The following DAB1 variants were observed in gnomAD, a reference collection of about 807,000 sequenced individuals.
The protein encoded by DAB1 is DAB adaptor protein 1, also known as disabled homolog 1.
A neutral mutation model predicts 64.6 loss-of-function variants in DAB1; 15 were observed. The observed-to-expected ratio is 0.23, with a 90% confidence interval of 0.16 to 0.36. The LOEUF is 0.36. Among genes scored for constraint, DAB1 ranks in the 10% least tolerant of loss-of-function variants. The pLI, the probability that DAB1 is intolerant of heterozygous loss-of-function variation, is 1.00. For synonymous variants in DAB1, 235 were observed against 251.9 expected (o/e 0.93, Z 0.64); for missense variants, 596 against 706.7 (o/e 0.84, Z 1.78).
At chr1:57,339,233 G>C (rs1677365743) in intron 1 of DAB1, among the ~76,000 whole-genome samples, 2 of 151,698 alleles carry the variant, frequency 1.3e-5, no homozygotes. Context: ...TCTGCTCACG[G>C]CAAGCTCCGC....
At chr1:57,749,574 GCTTTC>G (rs770861255) in intron 6 of DAB1, among the ~76,000 whole-genome samples, 3 of 152,166 alleles carry the variant, frequency 2.0e-5, no homozygotes, top group African/African-American at 4.8e-5. Context: ...CAGGGCATGT[GCTTTC>G]CAGTTGTCCA....
intron 1 of DAB1, among the ~76,000 whole-genome samples, chr1:57,383,984 T>A (rs779196645): frequency 3.3e-5 from 5 of 151,044 alleles, no homozygotes; most frequent in Non-Finnish European, 5.9e-5. Flanking sequence ...GAAAAAATAT[T>A]TGCAAATCAT....
intron 4 of DAB1, among the ~76,000 whole-genome samples, chr1:58,300,616 GA>G (rs1662120735): frequency 4.5e-5 from 2 of 44,082 alleles, no homozygotes; most frequent in Non-Finnish European, 1.0e-4. Context: ...AAGAAAGAGA[GA>G]GAGAGAGAGA....
At position 58,234,583 on chromosome 1, in the gene DAB1, C is replaced by T. The variant is rs536217528; in HGVS notation, n.310-83995G>A. On this transcript the variant is annotated intron_variant and non_coding_transcript_variant, in intron 4 of 20. Coordinates refer to the DAB1 transcript ENST00000485760. ...CTCCTGCTGGGCCCACCTATCTATTCCCCTAGGAATGCTAGAATCACAGCC... is the reference window on the plus strand; with the variant it reads ...CTCCTGCTGGGCCCACCTATCTATTTCCCTAGGAATGCTAGAATCACAGCC... 8.5e-5 allele frequency among the ~76,000 whole-genome samples: 13 copies of T among 152,272 alleles called. No homozygotes were observed. In the East Asian group the frequency reaches 1.9e-3, roughly 23 times the overall value.
At chr1:57,540,990 A>G (rs1644795151) in intron 7 of DAB1, among the ~76,000 whole-genome samples, 1 of 152,252 alleles carries the variant, frequency 6.6e-6, no homozygotes, top group Non-Finnish European at 1.5e-5. Context: ...ATGTTCCAAC[A>G]CAAAGAAATG....
intron 7 of DAB1, among the ~76,000 whole-genome samples, chr1:57,594,863 A>C (rs1359091925): frequency 6.6e-6 from 1 of 152,056 alleles, no homozygotes; most frequent in Non-Finnish European, 1.5e-5. Context: ...GGCGCCTGCC[A>C]CCACGCCTGG....
intron 4 of DAB1, among the ~76,000 whole-genome samples, chr1:58,165,264 T>C (rs1431574398): frequency 1.3e-5 from 2 of 152,198 alleles, no homozygotes; most frequent in Non-Finnish European, 2.9e-5. Context: ...GCTCTGGTTT[T>C]CTACATCAAG....
chr1:57,127,357 G>A (rs1286856773), intron 4 of DAB1, among the ~76,000 whole-genome samples: 9 of 152,126 alleles, frequency 5.9e-5, no homozygotes, highest in Non-Finnish European at 1.3e-4. Flanking sequence ...AAAGTTACAG[G>A]AAGCTCCCAG....
chr1:57,212,559 GGGTTTCA>G (rs1666104008), intron 2 of DAB1, among the ~76,000 whole-genome samples: 1 of 151,320 alleles, frequency 6.6e-6, no homozygotes, highest in South Asian at 2.1e-4. Flanking sequence ...AGTAGAGATG[GGGTTTCA>G]CCATGTTAGC....
chr1:57,675,117 A>C (rs1646550763), intron 6 of DAB1, among the ~76,000 whole-genome samples: 1 of 152,236 alleles, frequency 6.6e-6, no homozygotes, highest in Non-Finnish European at 1.5e-5. Flanking sequence ...TGGATTCTCA[A>C]GTGACCACAT....
chr1:57,863,654 G>A (rs1557524300), intron 1 of DAB1, among the ~76,000 whole-genome samples: 2 of 152,150 alleles, frequency 1.3e-5, no homozygotes, highest in African/African-American at 2.4e-5. Flanking sequence ...GGAAGGCTAC[G>A]GATCTCATGT....
intron 4 of DAB1, among the ~76,000 whole-genome samples, chr1:58,291,711 T>C (rs1661842598): frequency 6.6e-6 from 1 of 152,216 alleles, no homozygotes; most frequent in African/African-American, 2.4e-5. Context: ...AACGGTATTA[T>C]TGTCCCAGTT....
intron 3 of DAB1, among the ~76,000 whole-genome samples, chr1:58,408,483 G>T (rs1644637908): frequency 6.6e-6 from 1 of 152,186 alleles, no homozygotes; most frequent in Non-Finnish European, 1.5e-5. Context: ...TGGAGAGCAA[G>T]GATTCTCCAG....
At chr1:57,655,890 T>C (rs34046093) in intron 6 of DAB1, among the ~76,000 whole-genome samples, 42,221 of 152,152 alleles carry the variant, frequency 0.28, 6,760 homozygotes, top group Non-Finnish European at 0.38. Context: ...ATTTAACCAG[T>C]TCTTTCCAAG....
intron 6 of DAB1, among the ~76,000 whole-genome samples, chr1:57,697,480 A>C (rs955033164): frequency 1.7e-4 from 26 of 151,886 alleles, no homozygotes; most frequent in Admixed American, 3.3e-4. Context: ...ATTGCTGCTA[A>C]AGCTTTAGCG....
intron 7 of DAB1, among the ~76,000 whole-genome samples, chr1:57,578,106 C>A (rs1337877363): frequency 1.3e-5 from 2 of 152,124 alleles, no homozygotes; most frequent in Non-Finnish European, 2.9e-5. Flanking sequence ...ATTTATCATG[C>A]GAATGAAAGA....
intron 6 of DAB1, among the ~76,000 whole-genome samples, chr1:57,774,619 G>A (rs1391215969): frequency 6.6e-6 from 1 of 151,786 alleles, no homozygotes; most frequent in Non-Finnish European, 1.5e-5. Flanking sequence ...TTATGAATGA[G>A]TGTTGAATTT....
intron 5 of DAB1, among the ~76,000 whole-genome samples, chr1:57,953,644 G>A (rs1458787696): frequency 1.3e-5 from 2 of 152,068 alleles, no homozygotes. Context: ...ACCTTGCTCT[G>A]TGCCCTGGAA....
chr1:57,245,073 A>G (rs1451076923), intron 2 of DAB1, among the ~76,000 whole-genome samples: 13 of 152,206 alleles, frequency 8.5e-5, no homozygotes, highest in Admixed American at 8.5e-4. Context: ...AGACTTGTTG[A>G]ATGGTTTTGA....
Sources: gnomAD v4.1 joint callset for allele counts (sites outside exome capture counted in the v4.1 genomes callset) on GRCh38, gnomAD v4.1.1 for gene constraint, MANE v1.5 for transcripts, NCBI Gene and HGNC (gene_info 2026-07-23, HGNC 2026-07-21) for gene names.